The following DNAH17 variants were observed in gnomAD, a reference collection of about 807,000 sequenced individuals.
DNAH17 encodes the protein dynein axonemal heavy chain 17, also known as axonemal beta dynein heavy chain 17.
Under a neutral mutation model 485.6 loss-of-function variants are expected in DNAH17, and 376 were observed. The ratio of observed to expected loss-of-function variants is 0.77; its 90% CI spans 0.71 to 0.84. The LOEUF is 0.84. Ranked by LOEUF, DNAH17 falls within the 40% of genes least tolerant of loss-of-function variation. DNAH17 has a pLI of 0.00. For synonymous variants in DNAH17, 3,031 were observed against 2,405.9 expected (o/e 1.26, Z -7.60); for missense variants, 6,370 against 5,839.3 (o/e 1.09, Z -2.96).
In DNAH17 at chr17:78,425,393, G is replaced by T; in HGVS notation, c.13094C>A (p.Thr4365Asn). The T allele has an allele frequency of 6.2e-7, 1 of 1,614,024 alleles. No individual in the cohort carries two copies. The highest frequency in any genetic ancestry group is 8.5e-7 in the Non-Finnish European group (1 of 1,179,894). ...GTAGGAGCCCTCTCGCGGAGGAGCG[G>T]TCATGTCCTCTCGGTTTTTCTTGGT... The part of the protein sequence containing the change: ...EVTKKNREDM[T>N]APPREGSYVY... The change falls in exon 80 of 81, where the codon ACC becomes AAC. Residue 4365 changes from threonine (T) to asparagine (N), a missense_variant. Thr to Asn is a moderately conservative substitution (Grantham distance 65). Coordinates refer to ENST00000389840, the MANE Select transcript of DNAH17 (RefSeq NM_173628.4).
intron 70 of DNAH17, among the ~76,000 whole-genome samples, chr17:78,445,080 C>T (rs956610674): frequency 6.6e-6 from 1 of 152,172 alleles, no homozygotes; most frequent in Non-Finnish European, 1.5e-5. Context: ...CAAATGGGGC[C>T]ATTCTAGCTC....
chr17:78,486,381 G>A lies in DNAH17; in HGVS notation c.6944C>T (p.Pro2315Leu), dbSNP rs376839980. ...KLRFGFKKIT[P>L]VPEITVIQTI... is the part of the protein sequence containing the mutation. ...TTGGATCACCGTGATCTCCGGCACTGGCGTGATCTTCTTGAACCCAAAGCG... is the reference window on the plus strand; with the variant it reads ...TTGGATCACCGTGATCTCCGGCACTAGCGTGATCTTCTTGAACCCAAAGCG... Residue 2315 changes from proline to leucine, a missense_variant, in exon 45 of 81, where the codon CCA becomes CTA. Coordinates refer to ENST00000389840, the MANE Select transcript of DNAH17 (RefSeq NM_173628.4). The A allele has an allele frequency of 4.1e-4, 663 of 1,613,860 alleles. No homozygotes were observed. Among genetic ancestry groups the A allele is most frequent in the Non-Finnish European group, 5.4e-4 (639 of 1,179,840 alleles).
chr17:78,524,740 G>A (rs2091019850), intron 25 of DNAH17, among the ~76,000 whole-genome samples: 1 of 152,044 alleles, frequency 6.6e-6, no homozygotes, highest in East Asian at 1.9e-4. Flanking sequence ...ATGAGAGGAG[G>A]AGGAAAAAGA....
At chr17:78,438,082 G>C (rs1448181154) in intron 73 of DNAH17, among the ~76,000 whole-genome samples, 1 of 152,130 alleles carries the variant, frequency 6.6e-6, no homozygotes, top group Non-Finnish European at 1.5e-5. Flanking sequence ...TGAGGCCCCA[G>C]AATCTATTTT....
At chr17:78,557,360 G>A (rs1386782698) in intron 14 of DNAH17, among the ~76,000 whole-genome samples, 1 of 152,166 alleles carries the variant, frequency 6.6e-6, no homozygotes, top group African/African-American at 2.4e-5. Flanking sequence ...CCTTATGCCT[G>A]TAATCCCAAC....
At chr17:78,443,997 C>T (rs1406096176) in intron 71 of DNAH17, among the ~76,000 whole-genome samples, 1 of 152,204 alleles carries the variant, frequency 6.6e-6, no homozygotes, top group Non-Finnish European at 1.5e-5. Flanking sequence ...CTCCTTCCTT[C>T]AACAGCCCAT....
At chr17:78,492,945 G>A (rs2089927251) in intron 41 of DNAH17, 180 bp from the exon 42 acceptor site, 2 of 557,150 alleles carry the variant, frequency 3.6e-6, no homozygotes, top group Non-Finnish European at 5.7e-6. Context: ...TCTGCCTCAG[G>A]GTTCAAGTGA....
In DNAH17 at chr17:78,570,977, C is replaced by T. The variant is rs757314578; in HGVS notation, c.889G>A (p.Glu297Lys). 118 of 1,586,514 alleles carry T rather than the reference C, an allele frequency of 7.4e-5. No homozygotes were observed. Among genetic ancestry groups the T allele is most frequent in the Middle Eastern group, 1.7e-4 (1 of 6,042 alleles). The change falls in exon 6 of 81, where the codon GAG (glutamate) becomes AAG (lysine). Residue 297 changes from glutamate to lysine, a missense_variant. By Grantham distance (56) the Glu-to-Lys change is moderately conservative (BLOSUM62 1). Transcript: ENST00000389840. The part of the protein sequence containing the change: ...LYLKPLRILL[E>K]EMEQADFTML... ...GTGAAGTCGGCTTGTTCCATCTCCT[C>T]CAGCAGGATCCGTAGGGGCTTCAAA...
chr17:78,485,285 G>C (rs930895867), intron 47 of DNAH17: 2 of 623,070 alleles, frequency 3.2e-6, no homozygotes, highest in Non-Finnish European at 5.5e-6. Context: ...CCTTAGATTG[G>C]CTGAGACACT....
intron 66 of DNAH17, among the ~76,000 whole-genome samples, 174 bp downstream of exon 66, chr17:78,451,295 G>A (rs909361729): frequency 6.6e-6 from 1 of 152,226 alleles, no homozygotes; most frequent in South Asian, 2.1e-4. Context: ...GGAAGGAAAT[G>A]AGCCATCCTG....
Position 78,507,377 on chromosome 17 carries a change from G to GA in DNAH17, c.4585-9dup. 1 of 1,614,054 alleles carries GA rather than the reference G, an allele frequency of 6.2e-7. No individual in the cohort carries two copies. The highest frequency in any genetic ancestry group is 8.5e-7 in the Non-Finnish European group (1 of 1,179,912). ...TGCATCTTCCATCAAGGCCTGGGAA[G>GA]AGAAGGGGATCGCCAAGGCATTAGG... On this transcript the variant is annotated splice_polypyrimidine_tract_variant and intron_variant, in intron 28 of 80. Coordinates refer to ENST00000389840, the MANE Select transcript of DNAH17 (RefSeq NM_173628.4).
At chr17:78,474,425 G>A in intron 54 of DNAH17, among the ~76,000 whole-genome samples, 1 of 152,238 alleles carries the variant, frequency 6.6e-6, no homozygotes, top group East Asian at 1.9e-4. Flanking sequence ...ACCCTCAGCA[G>A]TGTGTGTTGG....
chr17:78,558,888 T>C (rs1330013470), intron 13 of DNAH17, among the ~76,000 whole-genome samples: 1 of 152,198 alleles, frequency 6.6e-6, no homozygotes, highest in Non-Finnish European at 1.5e-5. Flanking sequence ...CTGAATCCAC[T>C]GGTCACATCA....
At chr17:78,541,393 A>ATGGATGGG (rs1339225109) in intron 17 of DNAH17, among the ~76,000 whole-genome samples, 5 of 147,232 alleles carry the variant, frequency 3.4e-5, no homozygotes, top group African/African-American at 1.0e-4. Context: ...GGATGGATGG[A>ATGGATGGG]TGGATGGGTG....
At chr17:78,438,439 GGA>G (rs2086933132) in intron 73 of DNAH17, among the ~76,000 whole-genome samples, 2 of 96,920 alleles carry the variant, frequency 2.1e-5, no homozygotes, top group African/African-American at 4.9e-5. Context: ...AGGAGGAGGA[GGA>G]GGAGGGAGGA....
intron 48 of DNAH17, among the ~76,000 whole-genome samples, chr17:78,482,962 C>T (rs929249485): frequency 7.9e-5 from 12 of 152,252 alleles, no homozygotes; most frequent in Admixed American, 2.0e-4. Flanking sequence ...GGCACATGAC[C>T]GTGTGCAACC....
In DNAH17 at chr17:78,502,984, C is replaced by G; in HGVS notation, c.4984G>C (p.Asp1662His). 6.2e-7 allele frequency: 1 copy of G among 1,613,808 alleles called. No individual in the cohort carries two copies. The highest frequency in any genetic ancestry group is 8.5e-7 in the Non-Finnish European group (1 of 1,179,850). Residue 1662 changes from aspartate (D) to histidine (H), a missense_variant, in exon 32 of 81, where the codon GAC (aspartate) becomes CAC (histidine). Physicochemically the swap from Asp to His is moderately conservative, Grantham distance 81. Transcript: ENST00000389840. ...QVEVWLNRVL[D>H]RMCSTLRHEI... ...TGCCGGAGGGTAGAGCACATTCGGT[C>G]CAGCACTCGATTCAGCCACACTTCC...
intron 30 of DNAH17, 87 bp from the exon 31 acceptor site, chr17:78,505,532 C>A: frequency 6.4e-7 from 1 of 1,560,486 alleles, no homozygotes; most frequent in Non-Finnish European, 8.8e-7. Flanking sequence ...TGGTTTTAGG[C>A]ATCGTTCTTT....
chr17:78,428,729 A>G, intron 76 of DNAH17, 22 bp from the exon 77 acceptor site: 5 of 1,612,518 alleles, frequency 3.1e-6, no homozygotes, highest in Non-Finnish European at 4.2e-6. Context: ...GGCAGTTTGT[A>G]AGCAGAGGCA....
Sources: allele counts gnomAD v4.1 joint callset (sites outside exome capture counted in the v4.1 genomes callset), GRCh38; gene constraint gnomAD v4.1.1; transcripts MANE v1.5; gene names NCBI Gene and HGNC (gene_info 2026-07-23, HGNC 2026-07-21).